The following SPG21 variants were observed in gnomAD, a reference collection of about 807,000 sequenced individuals.
SPG21 encodes the protein maspardin.
SPG21 carries 26 observed loss-of-function variants against 38.9 expected under a neutral mutation model. The observed-to-expected ratio is 0.67, with a 90% CI of 0.49 to 0.93. The LOEUF is 0.93. Ranked by LOEUF, SPG21 falls within the 40% of genes least tolerant of loss-of-function variation. SPG21 has a pLI of 0.00. For synonymous variants in SPG21, 136 were observed against 128.9 expected, an observed-to-expected ratio of 1.05 and a Z score of -0.37; for missense variants, 333 against 376.5, an observed-to-expected ratio of 0.88 and a Z score of 0.96.
At chr15:64,967,537 G>A (rs905195695) in intron 7 of SPG21, among the ~76,000 whole-genome samples, 7 of 151,412 alleles carry the variant, frequency 4.6e-5, no homozygotes, top group African/African-American at 1.2e-4. Flanking sequence ...GCAGTGGTGC[G>A]ATCTCAGCTC....
chr15:64,982,332 G>C (rs1277362524), intron 2 of SPG21, among the ~76,000 whole-genome samples: 2 of 152,008 alleles, frequency 1.3e-5, no homozygotes, highest in African/African-American at 4.8e-5. Flanking sequence ...TTTTTGTAGA[G>C]AAAGGGTCTC....
intron 1 of SPG21, among the ~76,000 whole-genome samples, chr15:64,987,021 A>G (rs2086008921): frequency 6.6e-6 from 1 of 152,240 alleles, no homozygotes; most frequent in Non-Finnish European, 1.5e-5. Flanking sequence ...GTGCTTCTAG[A>G]GTCACCAAAT....
intron 6 of SPG21, 90 bp from the exon 7 acceptor site, chr15:64,969,452 G>A: frequency 2.0e-6 from 2 of 981,488 alleles, no homozygotes; most frequent in Non-Finnish European, 3.3e-6. Flanking sequence ...GCTTATAAAG[G>A]TGGTATCATC....
chr15:64,965,948 C>T (rs1057156155), intron 7 of SPG21, among the ~76,000 whole-genome samples: 16 of 152,006 alleles, frequency 1.1e-4, no homozygotes, highest in African/African-American at 3.4e-4. Context: ...GTGATCTGCC[C>T]ACCTCGGCCT....
intron 7 of SPG21, among the ~76,000 whole-genome samples, chr15:64,968,131 T>G (rs913898480): frequency 1.3e-5 from 2 of 152,100 alleles, no homozygotes; most frequent in Non-Finnish European, 2.9e-5. Context: ...GCAGACAGCT[T>G]GAGTCCCAGA....
Position 64,965,907 on chromosome 15 carries a change from G to A in SPG21, c.670-447C>T, listed in dbSNP as rs2085532434. 2.6e-5 allele frequency among the ~76,000 whole-genome samples: 4 copies of A among 151,924 alleles called. No homozygotes were observed. The South Asian group carries it at 8.3e-4, about 32-fold the overall frequency. On this transcript the variant is annotated intron_variant, in intron 7 of 8. Transcript: ENST00000204566. ...AGTAGAGATGGGGTTTCACCATGTT[G>A]GCCAGGCTGGTCTCAAACTCCTGAC...
At chr15:64,983,910 A>C (rs560887710) in intron 1 of SPG21, among the ~76,000 whole-genome samples, 1 of 151,702 alleles carries the variant, frequency 6.6e-6, no homozygotes, top group East Asian at 1.9e-4. Context: ...CAGCCTCCCG[A>C]GTATCTGGGA....
intron 1 of SPG21, among the ~76,000 whole-genome samples, chr15:64,984,038 C>T (rs1179856105): frequency 6.6e-6 from 1 of 152,192 alleles, no homozygotes; most frequent in African/African-American, 2.4e-5. Context: ...CCCACCTCAG[C>T]CTCCTAAAGT....
chr15:64,985,839 G>A (rs886185114), intron 1 of SPG21, among the ~76,000 whole-genome samples: 19 of 152,168 alleles, frequency 1.2e-4, no homozygotes, highest in African/African-American at 1.9e-4. Flanking sequence ...GCTGAACCCC[G>A]AGGAGACAGC....
chr15:64,978,992 A>C (rs556663827), intron 3 of SPG21, among the ~76,000 whole-genome samples: 13 of 152,256 alleles, frequency 8.5e-5, no homozygotes, highest in Non-Finnish European at 1.5e-4. Context: ...ACAACAACAA[A>C]AAAATTTAAA....
At chr15:64,975,740 C>G (rs1267100497) in intron 4 of SPG21, among the ~76,000 whole-genome samples, 2 of 151,950 alleles carry the variant, frequency 1.3e-5, no homozygotes, top group Non-Finnish European at 2.9e-5. Flanking sequence ...AATCGTTAAA[C>G]AAGATATGGC....
At chr15:64,974,836 A>G in intron 4 of SPG21, 89 bp from the exon 5 acceptor site, 1 of 1,443,858 alleles carries the variant, frequency 6.9e-7, no homozygotes, top group Non-Finnish European at 9.7e-7. Context: ...ATCACTAACC[A>G]CAGAATATGT....
At chr15:64,979,845 C>CAAAAAAAAA (rs71136305) in intron 3 of SPG21, among the ~76,000 whole-genome samples, 1 of 89,552 alleles carries the variant, frequency 1.1e-5, no homozygotes, top group East Asian at 4.3e-4. Context: ...TGGAAGCATG[C>CAAAAAAAAA]AAAAAAAAAA....
At chr15:64,972,545 A>C (rs2085687453) in intron 5 of SPG21, among the ~76,000 whole-genome samples, 1 of 152,238 alleles carries the variant, frequency 6.6e-6, no homozygotes. Flanking sequence ...AGAAAAACTA[A>C]AAAATAGCTG....
chr15:64,983,133 C>T, intron 2 of SPG21: 1 of 288,190 alleles, frequency 3.5e-6, no homozygotes, highest in South Asian at 2.7e-5. Flanking sequence ...TAGCGCATGC[C>T]TGTAATCCTA....
chr15:64,965,283 G>A (rs575451661), intron 8 of SPG21, 37 bp downstream of exon 8: 1 of 1,613,902 alleles, frequency 6.2e-7, no homozygotes, highest in Non-Finnish European at 8.5e-7. Flanking sequence ...AACATATGTT[G>A]GGCTCAGAGT....
intron 4 of SPG21, 67 bp downstream of exon 4, chr15:64,976,408 G>A: frequency 1.7e-6 from 2 of 1,146,400 alleles, no homozygotes; most frequent in Non-Finnish European, 2.6e-6. Flanking sequence ...CTGGGTGACA[G>A]AGTGAGACTT....
At chr15:64,969,813 G>A (rs1306319107) in intron 6 of SPG21, among the ~76,000 whole-genome samples, 1 of 152,016 alleles carries the variant, frequency 6.6e-6, no homozygotes, top group Admixed American at 6.6e-5. Context: ...GGTGGGTAGA[G>A]GAAAAGTGTG....
intron 7 of SPG21, among the ~76,000 whole-genome samples, chr15:64,968,952 G>A (rs1320731187): frequency 1.3e-5 from 2 of 151,858 alleles, no homozygotes; most frequent in African/African-American, 4.8e-5. Flanking sequence ...ATGTTGCCCA[G>A]GCTGGTCCTG....
Sources: allele counts gnomAD v4.1 joint callset (sites outside exome capture counted in the v4.1 genomes callset), GRCh38; gene constraint gnomAD v4.1.1; transcripts MANE v1.5; gene names NCBI Gene and HGNC (gene_info 2026-07-23, HGNC 2026-07-21).